The following FAT4 variants were observed in gnomAD, a reference collection of about 807,000 sequenced individuals.
FAT4 encodes the protein protocadherin Fat 4.
FAT4 carries 84 observed loss-of-function variants against 303.9 expected under a neutral mutation model. That is an observed-to-expected ratio of 0.28 (90% CI 0.23 to 0.33). FAT4 has a LOEUF of 0.33. Ranked by LOEUF, FAT4 falls within the 10% of genes least tolerant of loss-of-function variation. The probability of loss-of-function intolerance (pLI) is 1.00; values close to 1 mark genes in which losing one functional copy is unlikely to be tolerated. For synonymous variants in FAT4, 2,307 were observed against 2,298.8 expected (o/e 1.00, Z -0.10); for missense variants, 6,005 against 6,146.8 (o/e 0.98, Z 0.77).
In FAT4 at chr4:125,468,625, A is replaced by G. The variant is rs913813636; in HGVS notation, c.12019A>G (p.Ile4007Val). ...CTATATTTATGTCAAATTTGCCACG[A>G]TTAAAAGTCATGCCTTATTGCTTTA... Reference protein sequence around the residue: ...NNYIYVKFATIKSHALLLYNY... With the variant: ...NNYIYVKFATVKSHALLLYNY... Residue 4007 changes from isoleucine (I) to valine (V), a missense_variant, in exon 12 of 18, where the codon ATT (isoleucine) becomes GTT (valine). Ile to Val is a conservative substitution (Grantham distance 29). Coordinates refer to ENST00000394329, the MANE Select transcript of FAT4 (RefSeq NM_001291303.3). The G allele has an allele frequency of 1.9e-6, 3 of 1,614,156 alleles. No homozygotes were observed. The highest frequency in any genetic ancestry group is 2.5e-6 in the Non-Finnish European group (3 of 1,180,020).
chr4:125,459,012 T>A (rs1197213894), intron 10 of FAT4, among the ~76,000 whole-genome samples: 1 of 152,010 alleles, frequency 6.6e-6, no homozygotes, highest in Non-Finnish European at 1.5e-5. Context: ...GAATAGCATA[T>A]ATTTATTATA....
At chr4:125,430,758 G>A (rs1426876972) in intron 7 of FAT4, among the ~76,000 whole-genome samples, 1 of 152,076 alleles carries the variant, frequency 6.6e-6, no homozygotes, top group Non-Finnish European at 1.5e-5. Flanking sequence ...TTCTTGGCTT[G>A]AAAACAGACT....
chr4:125,473,112 A>G (rs879262105), intron 12 of FAT4, among the ~76,000 whole-genome samples: 2 of 152,106 alleles, frequency 1.3e-5, no homozygotes, highest in Non-Finnish European at 1.5e-5. Flanking sequence ...TTTATATTTT[A>G]ATTCTAATAT....
chr4:125,441,651 C>T (rs1455124766), intron 8 of FAT4, among the ~76,000 whole-genome samples: 1 of 152,202 alleles, frequency 6.6e-6, no homozygotes, highest in African/African-American at 2.4e-5. Context: ...TATGCATCAA[C>T]ATGAGCATCT....
At chr4:125,393,768 T>C (rs1007639462) in intron 2 of FAT4, among the ~76,000 whole-genome samples, 1 of 152,228 alleles carries the variant, frequency 6.6e-6, no homozygotes, top group Non-Finnish European at 1.5e-5. Context: ...TAAATTTTAC[T>C]TTTATAAAAT....
At chr4:125,323,323 T>C (rs1731027904) in intron 2 of FAT4, among the ~76,000 whole-genome samples, 1 of 152,210 alleles carries the variant, frequency 6.6e-6, no homozygotes, top group Non-Finnish European at 1.5e-5. Flanking sequence ...TGGCTTAGCA[T>C]GAAAGTATTA....
chr4:125,450,386 A>G lies in FAT4; in HGVS notation c.9376A>G (p.Ile3126Val). ...RDRDAAMNGL[I>V]KYSISSGNEE... Reference sequence around the variant, plus strand: ...TAGAGATGCAGCGATGAATGGCTTGATTAAGTACAGCATTTCTTCAGGAAA... The same window carrying G: ...TAGAGATGCAGCGATGAATGGCTTGGTTAAGTACAGCATTTCTTCAGGAAA... Residue 3126 changes from isoleucine (I) to valine (V), a missense_variant, in exon 10 of 18, where the codon ATT (isoleucine) becomes GTT (valine). Transcript: ENST00000394329. 8 of 1,614,114 alleles carry G rather than the reference A, an allele frequency of 5.0e-6. No individual in the cohort carries two copies. The highest frequency in any genetic ancestry group is 5.9e-6 in the Non-Finnish European group (7 of 1,180,000).
intron 2 of FAT4, among the ~76,000 whole-genome samples, chr4:125,380,387 G>A (rs926182270): frequency 6.6e-6 from 1 of 151,054 alleles, no homozygotes; most frequent in South Asian, 2.1e-4. Context: ...TTAAAAATAG[G>A]GACCTACACA....
chr4:125,464,850 G>A (rs1188270888), intron 11 of FAT4, among the ~76,000 whole-genome samples: 1 of 152,106 alleles, frequency 6.6e-6, no homozygotes, highest in African/African-American at 2.4e-5. Context: ...GCAAGAAAGA[G>A]CAAGGATATT....
At position 125,492,108 on chromosome 4, in the gene FAT4, C is replaced by G. The variant is rs932778201; in HGVS notation, c.*340C>G. 2.9e-5 allele frequency: 7 copies of G among 239,644 alleles called. No homozygotes were observed. The highest frequency in any genetic ancestry group is 1.6e-4 in the South Asian group (2 of 12,664). 14.8% of individuals were successfully genotyped at this position (239,644 alleles called of 1,614,324 possible). On this transcript the variant is annotated 3_prime_UTR_variant, in exon 18 of 18. Transcript: ENST00000394329. ...TTGCAGAAAAGAACTTGTGCTTTCC[C>G]AGTGGCGTATGTGTATTGTTTCAAC...
chr4:125,463,762 T>G (rs2126071727), intron 11 of FAT4, 95 bp downstream of exon 11: 2 of 610,614 alleles, frequency 3.3e-6, no homozygotes, highest in East Asian at 3.0e-5. Context: ...GACCAAAAAA[T>G]TATTGTTTTA....
rs139883132 is a variant in FAT4 at position 125,320,565 on chromosome 4, T to C, written c.4154T>C (p.Leu1385Ser). 1.1e-3 allele frequency: 1,786 copies of C among 1,613,950 alleles called. 20 individuals carry two copies. In the African/African-American group the frequency reaches 0.02, roughly 18 times the overall value. ...AAACTGGACTTTGAAACACAGTCTT[T>C]GTATAAATTAAATATAACAGCAAAA... ...AKKLDFETQS[L>S]YKLNITAKDQ... The change falls in exon 2 of 18, where the codon TTG becomes TCG. Residue 1385 changes from leucine to serine, a missense_variant. Physicochemically the swap from Leu to Ser is moderately radical, Grantham distance 145 (BLOSUM62 -2). Coordinates refer to ENST00000394329, the MANE Select transcript of FAT4 (RefSeq NM_001291303.3).
chr4:125,479,906 C>G, intron 15 of FAT4, 41 bp downstream of exon 15: 5 of 1,455,728 alleles, frequency 3.4e-6, no homozygotes, highest in Non-Finnish European at 4.6e-6. Flanking sequence ...ATTTTAATAA[C>G]TATGAAAAGT....
At chr4:125,395,663 G>C (rs1339832443) in intron 2 of FAT4, among the ~76,000 whole-genome samples, 1 of 152,090 alleles carries the variant, frequency 6.6e-6, no homozygotes, top group Non-Finnish European at 1.5e-5. Context: ...TTTTGGGAAA[G>C]AGGATAGCCT....
rs1730921839 is a variant in FAT4, at chr4:125,321,100, A to G, written c.4689A>G (p.Ile1563Met). The G allele has an allele frequency of 1.9e-6, 3 of 1,614,058 alleles. No homozygotes were observed. The highest frequency in any genetic ancestry group is 2.5e-6 in the Non-Finnish European group (3 of 1,180,026). ...CAGATGAAGGTGCTAATGGAGAAAT[A>G]GAGTATGAGATCATCAATGGGGACA... ...ADPDEGANGE[I>M]EYEIINGDTD... The change falls in exon 2 of 18, where the codon ATA becomes ATG. Residue 1563 changes from isoleucine (I) to methionine (M), a missense_variant. Coordinates refer to ENST00000394329, the MANE Select transcript of FAT4 (RefSeq NM_001291303.3).
At position 125,320,855 on chromosome 4, in the gene FAT4, G is replaced by A. The variant is rs759581376; in HGVS notation, c.4444G>A (p.Ala1482Thr). ...DEVKGTIYTN[A>T]EIDREFANLF... ...AGTCAAAGGGACTATATATACTAAT[G>A]CTGAAATAGATCGGGAATTTGCTAA... The change falls in exon 2 of 18, where the codon GCT becomes ACT. Residue 1482 changes from alanine to threonine, a missense_variant. Transcript: ENST00000394329. The A allele has an allele frequency of 1.2e-6, 2 of 1,614,208 alleles. No homozygotes were observed. The highest frequency in any genetic ancestry group is 1.1e-5 in the South Asian group (1 of 91,086).
At chr4:125,348,131 T>C (rs1349918081) in intron 2 of FAT4, among the ~76,000 whole-genome samples, 1 of 151,724 alleles carries the variant, frequency 6.6e-6, no homozygotes, top group African/African-American at 2.4e-5. Flanking sequence ...TCTTTATCCA[T>C]AAAACAATGA....
intron 3 of FAT4, among the ~76,000 whole-genome samples, chr4:125,406,291 A>C (rs529445443): frequency 4.6e-5 from 7 of 152,264 alleles, no homozygotes; most frequent in African/African-American, 1.4e-4. Context: ...ACCCTTATGG[A>C]ATATCAATTG....
At chr4:125,352,541 G>A (rs976402204) in intron 2 of FAT4, among the ~76,000 whole-genome samples, 6 of 151,792 alleles carry the variant, frequency 4.0e-5, no homozygotes, top group Non-Finnish European at 7.4e-5. Context: ...GTGCTTGACT[G>A]TTCCTCTTTT....
Sources: gnomAD v4.1 joint callset for allele counts (sites outside exome capture counted in the v4.1 genomes callset) on GRCh38, gnomAD v4.1.1 for gene constraint, MANE v1.5 for transcripts, NCBI Gene and HGNC (gene_info 2026-07-23, HGNC 2026-07-21) for gene names.